SATB2: variants seen among roughly 807,000 people sequenced by gnomAD.
SATB2 encodes SATB homeobox 2.
In SATB2, 1 loss-of-function variant was observed where a neutral mutation model predicts 73.4. The observed-to-expected ratio is 0.01, with a 90% confidence interval of 0.00 to 0.06. The LOEUF (loss-of-function observed/expected upper bound fraction) is 0.06, where lower values mean the gene tolerates loss of function less well. Ranked by LOEUF, SATB2 falls within the 10% of genes least tolerant of loss-of-function variation. The pLI is 1.00. For synonymous variants in SATB2, 397 were observed against 367.0 expected, an observed-to-expected ratio of 1.08 and a Z score of -0.93; for missense variants, 459 against 945.8, an observed-to-expected ratio of 0.49 and a Z score of 6.75.
At chr2:199,424,267 A>G (rs1691262211) in intron 3 of SATB2, among the ~76,000 whole-genome samples, 1 of 152,186 alleles carries the variant, frequency 6.6e-6, no homozygotes, top group African/African-American at 2.4e-5. Context: ...TGGGTTTTAA[A>G]TGCTCATCAC....
At chr2:199,343,178 C>A in intron 7 of SATB2, among the ~76,000 whole-genome samples, 1 of 151,784 alleles carries the variant, frequency 6.6e-6, no homozygotes, top group Non-Finnish European at 1.5e-5. Context: ...AGCACAAATC[C>A]AGGAACACAA....
chr2:199,356,244 A>AAG (rs1553491659), intron 6 of SATB2, among the ~76,000 whole-genome samples: 4 of 151,552 alleles, frequency 2.6e-5, no homozygotes, highest in South Asian at 2.1e-4. Flanking sequence ...AAAAAAAAAA[A>AAG]AAAGAAAGAA....
chr2:199,331,968 G>A (rs1285795109), intron 7 of SATB2, among the ~76,000 whole-genome samples: 1 of 152,094 alleles, frequency 6.6e-6, no homozygotes, highest in African/African-American at 2.4e-5. Flanking sequence ...CAAGCTGGAG[G>A]TGTCACTTGG....
At chr2:199,447,453 C>T (rs1172358951) in intron 2 of SATB2, among the ~76,000 whole-genome samples, 3 of 152,168 alleles carry the variant, frequency 2.0e-5, no homozygotes, top group African/African-American at 7.2e-5. Context: ...TCCCCTTCAG[C>T]CTAGTTTGGA....
intron 10 of SATB2, among the ~76,000 whole-genome samples, chr2:199,306,543 G>C (rs1212127837): frequency 6.6e-6 from 1 of 152,106 alleles, no homozygotes; most frequent in Non-Finnish European, 1.5e-5. Flanking sequence ...AATGTTGATA[G>C]CCACAAGATG....
rs1692124843 is a variant in SATB2 at position 199,270,608 on chromosome 2, C to T, written c.*1603G>A. 1.3e-5 allele frequency: 2 copies of T among 152,048 alleles called. No homozygotes were observed. The highest frequency in any genetic ancestry group is 1.3e-4 in the Admixed American group (2 of 15,248). 9.4% of individuals were successfully genotyped at this position (152,048 alleles called of 1,614,324 possible). ...GCCAGTCCTGAATGTGAGGTCTCCTCTTGCAATTACTGTAAGTAGAAGTGG... is the reference window on the plus strand; with the variant it reads ...GCCAGTCCTGAATGTGAGGTCTCCTTTTGCAATTACTGTAAGTAGAAGTGG... On this transcript the variant is annotated 3_prime_UTR_variant, in exon 11 of 11. Coordinates refer to ENST00000417098, the MANE Select transcript of SATB2 (RefSeq NM_001172509.2).
At chr2:199,397,899 T>C (rs1690349748) in intron 3 of SATB2, 1 of 284,050 alleles carries the variant, frequency 3.5e-6, no homozygotes, top group Non-Finnish European at 7.2e-6. Flanking sequence ...AGAAAGATAT[T>C]TGAAAGACAG....
At chr2:199,306,477 T>C (rs1687436214) in intron 10 of SATB2, among the ~76,000 whole-genome samples, 1 of 152,128 alleles carries the variant, frequency 6.6e-6, no homozygotes, top group South Asian at 2.1e-4. Flanking sequence ...AAGGTCTGAG[T>C]GATGGAAATA....
intron 2 of SATB2, among the ~76,000 whole-genome samples, chr2:199,447,677 T>C (rs1346277498): frequency 2.0e-5 from 3 of 152,212 alleles, no homozygotes; most frequent in African/African-American, 4.8e-5. Flanking sequence ...TGGTCATTTG[T>C]AATGTCTCCT....
intron 6 of SATB2, among the ~76,000 whole-genome samples, chr2:199,360,271 T>C (rs1689097371): frequency 6.6e-6 from 1 of 152,236 alleles, no homozygotes; most frequent in South Asian, 2.1e-4. Flanking sequence ...CACACTTCTG[T>C]AGATTCTTTG....
intron 10 of SATB2, among the ~76,000 whole-genome samples, chr2:199,298,967 A>T (rs1366982974): frequency 6.6e-6 from 1 of 152,150 alleles, no homozygotes; most frequent in Non-Finnish European, 1.5e-5. Context: ...AGAGCTCATT[A>T]TTAAGAGGGA....
At chr2:199,344,255 A>AACACAC (rs146892920) in intron 7 of SATB2, among the ~76,000 whole-genome samples, 11 of 150,484 alleles carry the variant, frequency 7.3e-5, no homozygotes, top group Admixed American at 1.3e-4. Context: ...ACACACACAC[A>AACACAC]ACACACACAC....
intron 2 of SATB2, among the ~76,000 whole-genome samples, chr2:199,439,704 GTC>G (rs145752822): frequency 1.3e-5 from 2 of 151,416 alleles, no homozygotes; most frequent in African/African-American, 2.4e-5. Flanking sequence ...ATCTCTCTCT[GTC>G]TCTCTCTCTC....
intron 10 of SATB2, among the ~76,000 whole-genome samples, chr2:199,281,876 C>T (rs960865377): frequency 1.5e-5 from 2 of 133,068 alleles, no homozygotes; most frequent in Admixed American, 9.1e-5. Flanking sequence ...ATTCCATATT[C>T]TCTCTCTTTT....
chr2:199,279,780 T>G (rs1692426425), intron 10 of SATB2, among the ~76,000 whole-genome samples: 1 of 152,192 alleles, frequency 6.6e-6, no homozygotes, highest in Admixed American at 6.5e-5. Flanking sequence ...TTTACCTCAT[T>G]TTTTAGAACA....
chr2:199,393,428 C>A (rs1690207141), intron 3 of SATB2, among the ~76,000 whole-genome samples: 1 of 152,118 alleles, frequency 6.6e-6, no homozygotes, highest in Admixed American at 6.5e-5. Context: ...TCTTGGTACC[C>A]TGGATATCCA....
Position 199,452,895 on chromosome 2 carries a change from T to C in SATB2, c.169+2974A>G, listed in dbSNP as rs139840931. Among the ~76,000 whole-genome samples the C allele has an allele frequency of 1.9e-3, 287 of 152,142 alleles. 3 individuals are homozygous for C. Among genetic ancestry groups the C allele is most frequent in the African/African-American group, 6.3e-3 (263 of 41,546 alleles). The stretch of plus-strand genomic sequence containing the variant: ...AAGAGTAAAAACATCCCAGAAAGTG[T>C]TGGAAAGACAAAGCAAAACATCTAG... On this transcript the variant is annotated intron_variant, in intron 2 of 10. Transcript: ENST00000417098.
Position 199,425,347 on chromosome 2 carries a change from A to T in SATB2, c.346+7991T>A, listed in dbSNP as rs559084256. Among the ~76,000 whole-genome samples the T allele has an allele frequency of 3.3e-5, 5 of 152,372 alleles. No homozygotes were observed. In the South Asian group the frequency reaches 1.0e-3, roughly 32 times the overall value. ...AGAAGGACTTTAGGCAGTTTAAAAAATATATCAAAGTTAATTGCTACCATG... is the reference window on the plus strand; with the variant it reads ...AGAAGGACTTTAGGCAGTTTAAAAATTATATCAAAGTTAATTGCTACCATG... On this transcript the variant is annotated intron_variant, in intron 3 of 10. Transcript: ENST00000417098.
intron 8 of SATB2, among the ~76,000 whole-genome samples, chr2:199,324,743 G>C (rs1054882884): frequency 6.6e-6 from 1 of 152,102 alleles, no homozygotes; most frequent in Non-Finnish European, 1.5e-5. Context: ...CCAAAAGACG[G>C]TCATAACATT....
Sources: allele counts gnomAD v4.1 joint callset (sites outside exome capture counted in the v4.1 genomes callset), GRCh38; gene constraint gnomAD v4.1.1; transcripts MANE v1.5; gene names NCBI Gene and HGNC (gene_info 2026-07-23, HGNC 2026-07-21).